TBC1D2B: variants seen among roughly 807,000 people sequenced by gnomAD.
TBC1D2B encodes the protein TBC1 domain family, member 2B.
A neutral mutation model predicts 100.8 loss-of-function variants in TBC1D2B; 64 were observed. The ratio of observed to expected loss-of-function variants is 0.64; its 90% CI spans 0.52 to 0.78. The LOEUF (loss-of-function observed/expected upper bound fraction) is 0.78, where lower values mean the gene tolerates loss of function less well. Ranked by LOEUF, TBC1D2B falls within the 30% of genes least tolerant of loss-of-function variation. The pLI is 0.00. For synonymous variants in TBC1D2B, 480 were observed against 479.7 expected (o/e 1.00, Z -0.01); for missense variants, 1,052 against 1,218.4 (o/e 0.86, Z 2.03).
At chr15:78,069,916 G>A (rs922316280) in intron 1 of TBC1D2B, among the ~76,000 whole-genome samples, 2 of 152,172 alleles carry the variant, frequency 1.3e-5, no homozygotes, top group African/African-American at 2.4e-5. Context: ...CCAGAACTAT[G>A]AGAAATAAAT....
intron 1 of TBC1D2B, among the ~76,000 whole-genome samples, chr15:78,073,618 T>C (rs1429261957): frequency 6.6e-6 from 1 of 152,146 alleles, no homozygotes; most frequent in Admixed American, 6.5e-5. Flanking sequence ...ACTTACACCA[T>C]AAAGATTTTA....
intron 3 of TBC1D2B, among the ~76,000 whole-genome samples, chr15:78,033,881 G>A (rs1294299252): frequency 6.6e-6 from 1 of 152,112 alleles, no homozygotes; most frequent in Non-Finnish European, 1.5e-5. Context: ...TAAACATTCA[G>A]AAGAATACAG....
At chr15:78,028,044 C>T (rs17398554) in intron 4 of TBC1D2B, among the ~76,000 whole-genome samples, 6,786 of 152,326 alleles carry the variant, frequency 0.045, 227 homozygotes, top group Non-Finnish European at 0.066. Context: ...AGTGCTTACT[C>T]TCGCAATAAA....
chr15:78,008,627 C>T (rs1051360195), intron 10 of TBC1D2B, among the ~76,000 whole-genome samples: 1 of 152,252 alleles, frequency 6.6e-6, no homozygotes, highest in Non-Finnish European at 1.5e-5. Context: ...CTCATTCCAG[C>T]CTGACATTGC....
chr15:78,076,624 C>A (rs1217054456), intron 1 of TBC1D2B, among the ~76,000 whole-genome samples: 1 of 151,986 alleles, frequency 6.6e-6, no homozygotes, highest in Non-Finnish European at 1.5e-5. Context: ...TGGTGGCCCG[C>A]ACCTGTGGTC....
At chr15:78,023,810 T>C (rs1372046918) in intron 6 of TBC1D2B, among the ~76,000 whole-genome samples, 1 of 152,200 alleles carries the variant, frequency 6.6e-6, no homozygotes, top group Non-Finnish European at 1.5e-5. Context: ...TAAGTTTGTG[T>C]GTGATTTCAT....
At chr15:78,076,789 T>C (rs936011639) in intron 1 of TBC1D2B, among the ~76,000 whole-genome samples, 1 of 152,162 alleles carries the variant, frequency 6.6e-6, no homozygotes, top group Non-Finnish European at 1.5e-5. Flanking sequence ...AGCACTGACA[T>C]TTACTGAGCA....
In TBC1D2B at chr15:77,998,223, C is replaced by T; in HGVS notation, c.2829G>A (p.Leu943=). The T allele has an allele frequency of 6.3e-7, 1 of 1,576,586 alleles. No homozygotes were observed. Among genetic ancestry groups the T allele is most frequent in the South Asian group, 1.2e-5 (1 of 85,692 alleles). The change falls in exon 13 of 13, where the codon CTG becomes CTA. Residue 943 remains leucine (L), a synonymous_variant. Transcript: ENST00000300584. ...TGTCAGGGCTGGTGTCCCGCTCACG[C>T]AGGAAGTCCTCACGGATGGCCTCCA... ...TELEAIREDF[L]RERDTSPDKG...
chr15:78,056,686 C>CTT lies in TBC1D2B; in HGVS notation c.361-2501_361-2500dup, dbSNP rs368714497. ...AGCCCAAAGCCCACCCAGTCCTCCT[C>CTT]TTTTTTTTTTTTTTTTTTTTTTTTT... On this transcript the variant is annotated intron_variant, in intron 1 of 12. Coordinates refer to ENST00000300584, the MANE Select transcript of TBC1D2B (RefSeq NM_144572.2). 3.8e-3 allele frequency among the ~76,000 whole-genome samples: 433 copies of CTT among 112,808 alleles called. 13 individuals are homozygous for CTT. Among genetic ancestry groups the CTT allele is most frequent in the African/African-American group, 8.2e-3 (206 of 25,246 alleles). 74.0% of individuals were successfully genotyped at this position (112,808 alleles called of 152,430 possible). A position where few individuals can be genotyped will look rare whatever the true frequency, so the allele number is the denominator to read the frequency against.
intron 1 of TBC1D2B, among the ~76,000 whole-genome samples, chr15:78,076,001 A>G (rs2073822631): frequency 6.6e-6 from 1 of 152,182 alleles, no homozygotes; most frequent in Admixed American, 6.5e-5. Flanking sequence ...AGAAAGCCCA[A>G]CCTGGAATAC....
intron 12 of TBC1D2B, among the ~76,000 whole-genome samples, chr15:78,000,117 G>A (rs1045232043): frequency 9.9e-5 from 15 of 152,222 alleles, no homozygotes; most frequent in African/African-American, 2.4e-4. Context: ...TGATAACAGC[G>A]GGGAGCCTGC....
Position 77,997,693 on chromosome 15 carries a change from T to C in TBC1D2B, c.*467A>G. 6.5e-6 allele frequency: 1 copy of C among 153,178 alleles called. No homozygotes were observed. The highest frequency in any genetic ancestry group is 1.5e-5 in the Non-Finnish European group (1 of 68,640). The allele number at this position is 153,178 out of a possible 1,614,324, so 9.5% of individuals were successfully genotyped here. On this transcript the variant is annotated 3_prime_UTR_variant, in exon 13 of 13. Transcript: ENST00000300584. ...CCCCTTTTCATACCAACCTTATGCC[T>C]GAGGCAGCAACCCTCTGGCCTACAG...
At chr15:78,068,385 A>ACC (rs951198002) in intron 1 of TBC1D2B, among the ~76,000 whole-genome samples, 9 of 126,224 alleles carry the variant, frequency 7.1e-5, no homozygotes, top group Middle Eastern at 4.3e-3. Context: ...CACCACACCC[A>ACC]CACACACACA....
At chr15:78,055,882 T>C (rs899928535) in intron 1 of TBC1D2B, among the ~76,000 whole-genome samples, 4 of 152,104 alleles carry the variant, frequency 2.6e-5, no homozygotes, top group Non-Finnish European at 4.4e-5. Context: ...TTAAGTGCTA[T>C]GACAGAAAGC....
At chr15:78,037,250 C>A (rs2072965717) in intron 3 of TBC1D2B, among the ~76,000 whole-genome samples, 1 of 152,148 alleles carries the variant, frequency 6.6e-6, no homozygotes, top group Non-Finnish European at 1.5e-5. Flanking sequence ...GCACCAGAAC[C>A]CATGCCACTC....
chr15:78,015,254 A>G (rs2072341511), intron 8 of TBC1D2B, among the ~76,000 whole-genome samples: 1 of 152,040 alleles, frequency 6.6e-6, no homozygotes, highest in Non-Finnish European at 1.5e-5. Flanking sequence ...AATATTCCAG[A>G]AAAAAACTGT....
intron 3 of TBC1D2B, among the ~76,000 whole-genome samples, chr15:78,033,510 G>A (rs2072869908): frequency 6.6e-6 from 1 of 152,140 alleles, no homozygotes; most frequent in Non-Finnish European, 1.5e-5. Flanking sequence ...TTAAGGGAAG[G>A]GATCAACCGC....
chr15:78,008,106 C>A (rs535004102), intron 10 of TBC1D2B, among the ~76,000 whole-genome samples: 1 of 152,324 alleles, frequency 6.6e-6, no homozygotes, highest in South Asian at 2.1e-4. Context: ...GGGCCACATG[C>A]GAAGGGCCGG....
chr15:78,077,181 T>A (rs976822577), intron 1 of TBC1D2B, 112 bp downstream of exon 1: 4 of 1,331,550 alleles, frequency 3.0e-6, no homozygotes, highest in Non-Finnish European at 3.9e-6. Context: ...CAGGCCGACG[T>A]GGGCAGGGGC....
Sources: gnomAD v4.1 joint callset for allele counts (sites outside exome capture counted in the v4.1 genomes callset) on GRCh38, gnomAD v4.1.1 for gene constraint, MANE v1.5 for transcripts, NCBI Gene and HGNC (gene_info 2026-07-23, HGNC 2026-07-21) for gene names.